The following EHBP1 variants were observed in gnomAD, a reference collection of about 807,000 sequenced individuals.
EHBP1 encodes EH domain-binding protein 1.
EHBP1 carries 55 observed loss-of-function variants against 144.0 expected under a neutral mutation model. The observed-to-expected ratio is 0.38, with a 90% confidence interval of 0.31 to 0.48. EHBP1 has a LOEUF of 0.48. Among genes scored for constraint, EHBP1 ranks in the 20% least tolerant of loss-of-function variants. EHBP1 has a pLI of 0.98. For missense variants in EHBP1, 1,200 were observed against 1,364.2 expected (o/e 0.88, Z 1.90); for synonymous variants, 469 against 472.7 (o/e 0.99, Z 0.10).
chr2:63,045,422 A>T lies in EHBP1; in HGVS notation c.3405A>T (p.Glu1135Asp), dbSNP rs1350550792. Residue 1135 changes from glutamate to aspartate, a missense_variant, in exon 23 of 23, where the codon GAA becomes GAT. Glu to Asp is a conservative substitution (Grantham distance 45). Transcript: ENST00000431489. This position sits in a 1 kb window ranked among gnomAD's most constrained non-coding sequence, Gnocchi z 5.7. ...LDAQEKQAEE[E>D]DEHLERTLEQ... Reference sequence around the variant, plus strand: ...GTCTGACATCCAGGGCCGAAGAAGAAGATGAGCATTTGGAGCGAACTCTGG... The same window carrying T: ...GTCTGACATCCAGGGCCGAAGAAGATGATGAGCATTTGGAGCGAACTCTGG... The T allele has an allele frequency of 6.2e-7, 1 of 1,614,078 alleles. No individual in the cohort carries two copies. Among genetic ancestry groups the T allele is most frequent in the Admixed American group, 1.7e-5 (1 of 60,016 alleles).
chr2:62,805,495 C>G (rs1214812275), intron 5 of EHBP1, among the ~76,000 whole-genome samples: 1 of 144,520 alleles, frequency 6.9e-6, no homozygotes, highest in African/African-American at 2.6e-5. Flanking sequence ...TACAGTGAAC[C>G]TGCATTACTT....
chr2:62,858,116 A>G (rs2049214951), intron 7 of EHBP1, among the ~76,000 whole-genome samples: 1 of 152,202 alleles, frequency 6.6e-6, no homozygotes, highest in African/African-American at 2.4e-5. Context: ...GAAATGTGAA[A>G]ACCAGTGTCA....
intron 1 of EHBP1, among the ~76,000 whole-genome samples, chr2:62,695,073 C>T (rs183643014): frequency 6.6e-6 from 1 of 152,200 alleles, no homozygotes; most frequent in East Asian, 1.9e-4. Context: ...AATAAAATGT[C>T]AGTGAAGACT....
intron 3 of EHBP1, among the ~76,000 whole-genome samples, chr2:62,750,483 A>G (rs868010016): frequency 1.3e-5 from 2 of 152,288 alleles, no homozygotes; most frequent in Non-Finnish European, 1.5e-5. Context: ...TTTTGGTTCC[A>G]TATGAACTTT....
intron 5 of EHBP1, among the ~76,000 whole-genome samples, chr2:62,799,563 G>T (rs1402484635): frequency 1.3e-5 from 2 of 152,126 alleles, no homozygotes; most frequent in African/African-American, 2.4e-5. Flanking sequence ...TTACCTATAT[G>T]ATTTTTTTAA....
chr2:62,729,642 T>A (rs576461230), intron 2 of EHBP1, among the ~76,000 whole-genome samples: 49 of 140,562 alleles, frequency 3.5e-4, no homozygotes, highest in Admixed American at 8.4e-4. Context: ...AATAAAATAA[T>A]ATAATATAAT....
intron 2 of EHBP1, among the ~76,000 whole-genome samples, chr2:62,729,432 A>AATACTAAAT (rs2037211745): frequency 9.0e-6 from 1 of 111,522 alleles, no homozygotes; most frequent in African/African-American, 3.6e-5. Flanking sequence ...ATAATATAAT[A>AATACTAAAT]ATAATAAATA....
chr2:63,014,497 C>T (rs1437985384), intron 19 of EHBP1, among the ~76,000 whole-genome samples: 9 of 151,984 alleles, frequency 5.9e-5, no homozygotes, highest in Admixed American at 4.6e-4. Context: ...AAAATATGTT[C>T]GTTGATAATA....
intron 12 of EHBP1, among the ~76,000 whole-genome samples, chr2:62,944,374 A>G (rs1394477372): frequency 6.6e-6 from 1 of 152,220 alleles, no homozygotes; most frequent in Non-Finnish European, 1.5e-5. Flanking sequence ...GTAAGATTAT[A>G]ATACCTCATT....
At chr2:63,023,084 G>A (rs967061178) in intron 19 of EHBP1, among the ~76,000 whole-genome samples, 1 of 152,160 alleles carries the variant, frequency 6.6e-6, no homozygotes, top group Admixed American at 6.5e-5. Flanking sequence ...TGAGGCAAGA[G>A]AATCGCTGGA....
Position 62,688,364 on chromosome 2 carries a change from A to G in EHBP1, c.-296+14281A>G, listed in dbSNP as rs191446762. Among the ~76,000 whole-genome samples the G allele has an allele frequency of 1.6e-3, 236 of 152,244 alleles. 1 individual carries two copies. The highest frequency in any genetic ancestry group is 2.6e-3 in the Non-Finnish European group (179 of 67,984). On this transcript the variant is annotated intron_variant, in intron 1 of 22. Transcript: ENST00000405015. ...ATTTTATTAAAAATTTTTTTCATTG[A>G]CACATAATTATACATCTTTATGGGG...
At chr2:62,929,729 A>G (rs1222291244) in intron 10 of EHBP1, among the ~76,000 whole-genome samples, 1 of 152,166 alleles carries the variant, frequency 6.6e-6, no homozygotes, top group African/African-American at 2.4e-5. Context: ...TTAGGCAAGT[A>G]AAAGATGTAA....
intron 15 of EHBP1, 56 bp downstream of exon 15, chr2:62,979,391 CT>C: frequency 6.5e-7 from 1 of 1,537,028 alleles, no homozygotes; most frequent in Non-Finnish European, 8.8e-7. Context: ...CACAGTGGAC[CT>C]TTTGGGACTT....
intron 7 of EHBP1, among the ~76,000 whole-genome samples, chr2:62,841,100 A>T (rs2047802165): frequency 6.6e-6 from 1 of 152,206 alleles, no homozygotes; most frequent in Non-Finnish European, 1.5e-5. Flanking sequence ...CAAATGTCCA[A>T]CAATGATAGA....
intron 7 of EHBP1, among the ~76,000 whole-genome samples, chr2:62,844,368 A>G (rs945253089): frequency 6.6e-6 from 1 of 152,162 alleles, no homozygotes; most frequent in Non-Finnish European, 1.5e-5. Flanking sequence ...TGCTACTTCT[A>G]TAGATACATT....
chr2:62,858,431 G>C, intron 7 of EHBP1: 2 of 1,609,490 alleles, frequency 1.2e-6, no homozygotes, highest in Non-Finnish European at 8.5e-7. Flanking sequence ...TGAATGCTCT[G>C]AGCAGCTTAG....
chr2:62,896,707 G>T (rs942423477), intron 10 of EHBP1, among the ~76,000 whole-genome samples: 1 of 149,578 alleles, frequency 6.7e-6, no homozygotes, highest in African/African-American at 2.5e-5. Flanking sequence ...AAAAAACCCT[G>T]CTAGACTCCA....
At position 63,012,978 on chromosome 2, in the gene EHBP1, G is replaced by A. The variant is rs542317073; in HGVS notation, c.3103+16212G>A. ...AGTCTTATGTTTAAAAAAAGAAGAG[G>A]AAAAAAGAAAAGAAAATGAAGAAGA... On this transcript the variant is annotated intron_variant, in intron 19 of 22. Coordinates refer to ENST00000431489, the MANE Select transcript of EHBP1 (RefSeq NM_001142616.3). Among the ~76,000 whole-genome samples, 12 of 151,728 alleles carry A rather than the reference G, an allele frequency of 7.9e-5. No individual in the cohort carries two copies. In the South Asian group the frequency reaches 2.3e-3, roughly 29 times the overall value.
chr2:62,691,879 A>C (rs1572872510), intron 1 of EHBP1, among the ~76,000 whole-genome samples: 1 of 152,080 alleles, frequency 6.6e-6, no homozygotes, highest in African/African-American at 2.4e-5. Context: ...GTTTCTTTCT[A>C]TATCGTTTTA....
Sources: allele counts gnomAD v4.1 joint callset (sites outside exome capture counted in the v4.1 genomes callset), GRCh38; gene constraint gnomAD v4.1.1; non-coding constraint Gnocchi (gnomAD v3.1); transcripts MANE v1.5; gene names NCBI Gene and HGNC (gene_info 2026-07-23, HGNC 2026-07-21).